The following CAST variants were observed in gnomAD, a reference collection of about 807,000 sequenced individuals.
CAST encodes the protein calpastatin.
A neutral mutation model predicts 119.6 loss-of-function variants in CAST; 76 were observed. That is an observed-to-expected ratio of 0.64 (90% CI 0.53 to 0.77). The LOEUF (loss-of-function observed/expected upper bound fraction) is 0.77, where lower values mean the gene tolerates loss of function less well. Among genes scored for constraint, CAST ranks in the 30% least tolerant of loss-of-function variants. The probability of loss-of-function intolerance (pLI) is 0.00; values close to 1 mark genes in which losing one functional copy is unlikely to be tolerated. For synonymous variants in CAST, 319 were observed against 331.6 expected, an observed-to-expected ratio of 0.96 and a Z score of 0.41; for missense variants, 953 against 946.5, an observed-to-expected ratio of 1.01 and a Z score of -0.09.
chr5:96,385,604 T>C, the CAST span, among the ~76,000 whole-genome samples: 2 of 152,232 alleles, frequency 1.3e-5, no homozygotes. Context: ...AGAAAGTGTA[T>C]GCTTAATGCA....
chr5:96,417,504 T>A, the CAST span, among the ~76,000 whole-genome samples: 1 of 151,974 alleles, frequency 6.6e-6, no homozygotes. Flanking sequence ...GAAACCCCAC[T>A]CTTTCTTGAG....
At chr5:96,542,391 A>C (rs550870868) in intron 1 of CAST, among the ~76,000 whole-genome samples, 1 of 152,022 alleles carries the variant, frequency 6.6e-6, no homozygotes, top group South Asian at 2.1e-4. Context: ...ACCATTTTGC[A>C]TTCCACTAGC....
chr5:96,054,159 T>C, the CAST span, among the ~76,000 whole-genome samples: 1 of 152,198 alleles, frequency 6.6e-6, no homozygotes, highest in Admixed American at 6.5e-5. Flanking sequence ...TAACTTGTAG[T>C]TTTTTTCCAA....
At chr5:96,677,007 T>A in intron 2 of CAST, among the ~76,000 whole-genome samples, 1 of 148,034 alleles carries the variant, frequency 6.8e-6, no homozygotes, top group Non-Finnish European at 1.5e-5. Context: ...TGAGCCGAGA[T>A]CACGCCACTG....
chr5:96,671,009 C>A (rs1468594927), intron 1 of CAST, among the ~76,000 whole-genome samples: 1 of 152,156 alleles, frequency 6.6e-6, no homozygotes, highest in Non-Finnish European at 1.5e-5. Flanking sequence ...TTTGCTATGG[C>A]AGATTTTAAA....
chr5:96,035,857 G>A, the CAST span, among the ~76,000 whole-genome samples: 1 of 151,898 alleles, frequency 6.6e-6, no homozygotes, highest in Non-Finnish European at 1.5e-5. Flanking sequence ...TGTAGGATGT[G>A]CGCACTGTGT....
At chr5:96,364,220 C>T in the CAST span, among the ~76,000 whole-genome samples, 2 of 152,128 alleles carry the variant, frequency 1.3e-5, no homozygotes, top group Admixed American at 1.3e-4. Context: ...TGATGTGCTG[C>T]TGGATTTGGT....
At chr5:96,165,008 A>G in the CAST span, among the ~76,000 whole-genome samples, 2 of 152,124 alleles carry the variant, frequency 1.3e-5, no homozygotes, top group African/African-American at 2.4e-5. Flanking sequence ...ACATTATTCT[A>G]TACTGAAGAG....
intron 2 of CAST, among the ~76,000 whole-genome samples, chr5:96,679,937 C>T (rs915019066): frequency 3.9e-5 from 6 of 151,926 alleles, no homozygotes; most frequent in East Asian, 1.9e-4. Context: ...CTTAAATTAA[C>T]GCGATAATGT....
At chr5:96,098,384 T>A in the CAST span, among the ~76,000 whole-genome samples, 1 of 152,296 alleles carries the variant, frequency 6.6e-6, no homozygotes, top group South Asian at 2.1e-4. Flanking sequence ...TCTTTTATCA[T>A]GAAATCTTTG....
the CAST span, among the ~76,000 whole-genome samples, chr5:95,996,421 T>A: frequency 6.6e-6 from 1 of 152,322 alleles, no homozygotes; most frequent in South Asian, 2.1e-4. Flanking sequence ...GTGCCCACCT[T>A]TAACAGTGAT....
At chr5:96,119,616 A>G in the CAST span, among the ~76,000 whole-genome samples, 2 of 152,190 alleles carry the variant, frequency 1.3e-5, no homozygotes, top group Admixed American at 1.3e-4. Context: ...TTTCTGTTCA[A>G]AGGAAAGAAA....
At chr5:96,203,320 A>ATTT in the CAST span, among the ~76,000 whole-genome samples, 1,086 of 148,986 alleles carry the variant, frequency 7.3e-3, 18 homozygotes, top group African/African-American at 0.026. Context: ...TATTCCACAA[A>ATTT]TTTTTTTTTT....
At chr5:96,642,160 T>C (rs1747958411) in intron 1 of CAST, among the ~76,000 whole-genome samples, 1 of 152,226 alleles carries the variant, frequency 6.6e-6, no homozygotes, top group Non-Finnish European at 1.5e-5. Context: ...CTTTGTTTCC[T>C]TATGCAATGA....
the CAST span, among the ~76,000 whole-genome samples, chr5:96,021,674 C>T: frequency 2.0e-5 from 3 of 152,236 alleles, no homozygotes; most frequent in South Asian, 2.1e-4. Flanking sequence ...TCTTTATCTC[C>T]TGACTTTGTA....
the CAST span, among the ~76,000 whole-genome samples, chr5:96,082,444 G>A: frequency 8.2e-4 from 125 of 152,314 alleles, no homozygotes; most frequent in African/African-American, 2.7e-3. Context: ...GCAGAAGGCA[G>A]ATCTCTCATT....
At chr5:96,736,721 A>C (rs1761721017) in intron 10 of CAST, among the ~76,000 whole-genome samples, 1 of 152,216 alleles carries the variant, frequency 6.6e-6, no homozygotes, top group East Asian at 1.9e-4. Context: ...TCTAAATCAA[A>C]TAATACAAGG....
At chr5:96,683,628 T>C (rs1029264073) in intron 2 of CAST, among the ~76,000 whole-genome samples, 9 of 152,218 alleles carry the variant, frequency 5.9e-5, no homozygotes, top group African/African-American at 2.2e-4. Context: ...TCTTTTGTGG[T>C]ATTTCTCTGT....
At chr5:96,350,990 A>G in the CAST span, among the ~76,000 whole-genome samples, 1 of 152,166 alleles carries the variant, frequency 6.6e-6, no homozygotes, top group Non-Finnish European at 1.5e-5. Flanking sequence ...TCTGAAACAT[A>G]TCCATTTAAT....
Sources: allele counts gnomAD v4.1 joint callset (sites outside exome capture counted in the v4.1 genomes callset), GRCh38; gene constraint gnomAD v4.1.1; transcripts MANE v1.5; gene names NCBI Gene and HGNC (gene_info 2026-07-23, HGNC 2026-07-21).